Variants in PATJ observed in about 807,000 individuals in gnomAD.
PATJ encodes the protein PATJ crumbs cell polarity complex component.
In PATJ, 190 loss-of-function variants were observed where a neutral mutation model predicts 224.9. The ratio of observed to expected loss-of-function variants is 0.84; its 90% confidence interval spans 0.75 to 0.95. The LOEUF (loss-of-function observed/expected upper bound fraction) is 0.95, where lower values mean the gene tolerates loss of function less well. Ranked by LOEUF, PATJ falls within the 40% of genes least tolerant of loss-of-function variation. The pLI is 0.00. For missense variants in PATJ, 2,121 were observed against 2,270.3 expected (o/e 0.93, Z 1.34); for synonymous variants, 769 against 820.3 (o/e 0.94, Z 1.07).
chr1:61,945,763 A>T (rs1473876237), intron 27 of PATJ, among the ~76,000 whole-genome samples: 2 of 152,232 alleles, frequency 1.3e-5, no homozygotes, highest in Non-Finnish European at 2.9e-5. Flanking sequence ...CAGAATATAC[A>T]TTCTTCTCAG....
chr1:61,830,864 A>G (rs1412889606), intron 16 of PATJ, among the ~76,000 whole-genome samples: 5 of 152,118 alleles, frequency 3.3e-5, no homozygotes. Flanking sequence ...TCCTTTCACC[A>G]TATACAAAAA....
At chr1:61,914,746 G>T (rs1452602205) in intron 26 of PATJ, 82 bp downstream of exon 26, 4 of 795,808 alleles carry the variant, frequency 5.0e-6, no homozygotes, top group Admixed American at 5.1e-5. Context: ...TATAATAGAA[G>T]TGGCTTTTTG....
At chr1:62,127,070 C>T (rs1209763910) in intron 39 of PATJ, among the ~76,000 whole-genome samples, 2 of 140,396 alleles carry the variant, frequency 1.4e-5, no homozygotes, top group African/African-American at 3.2e-5. Context: ...TGGGAATATG[C>T]GGGCCAGTTT....
At chr1:61,835,439 T>G (rs1178624107) in intron 17 of PATJ, among the ~76,000 whole-genome samples, 1 of 152,196 alleles carries the variant, frequency 6.6e-6, no homozygotes, top group Non-Finnish European at 1.5e-5. Context: ...AGTCTCACTC[T>G]GTCGCCCAGG....
At chr1:61,975,384 T>C (rs1385432168) in intron 27 of PATJ, among the ~76,000 whole-genome samples, 1 of 152,054 alleles carries the variant, frequency 6.6e-6, no homozygotes, top group Non-Finnish European at 1.5e-5. Context: ...AATTCAATCT[T>C]TACTTCCTTT....
At chr1:62,031,245 A>C (rs1160658804) in intron 29 of PATJ, among the ~76,000 whole-genome samples, 1 of 152,218 alleles carries the variant, frequency 6.6e-6, no homozygotes, top group African/African-American at 2.4e-5. Flanking sequence ...AAACGTAGCT[A>C]ATCAAGCACT....
At chr1:62,015,145 CA>C (rs956926283) in intron 28 of PATJ, among the ~76,000 whole-genome samples, 6 of 149,844 alleles carry the variant, frequency 4.0e-5, no homozygotes, top group African/African-American at 1.5e-4. Flanking sequence ...ACTAAAAATA[CA>C]AAAAAAAATT....
chr1:61,896,390 A>T (rs1412651941), intron 22 of PATJ, among the ~76,000 whole-genome samples: 5 of 151,982 alleles, frequency 3.3e-5, no homozygotes, highest in African/African-American at 1.2e-4. Context: ...CCATTTGGAG[A>T]ACATTAGGAA....
chr1:61,755,646 A>G (rs888485372), intron 1 of PATJ, among the ~76,000 whole-genome samples: 1 of 152,164 alleles, frequency 6.6e-6, no homozygotes, highest in African/African-American at 2.4e-5. Flanking sequence ...GTTTACAAGG[A>G]CCCTTTCAAA....
chr1:61,810,707 T>TAA (rs1654555547), intron 14 of PATJ, among the ~76,000 whole-genome samples: 1 of 85,196 alleles, frequency 1.2e-5, no homozygotes, highest in African/African-American at 5.8e-5. Flanking sequence ...AAAAAATAAA[T>TAA]AAATAAATAA....
rs564125141 is a variant in PATJ, at chr1:61,783,984, C to T, written c.850-3770C>T. ...GTTTGGTGATAGAGTGAGACTCCCT[C>T]TCAAACAAAAACAAAAACAAAAACT... On this transcript the variant is annotated intron_variant, in intron 7 of 43. Transcript: ENST00000642238. Among the ~76,000 whole-genome samples the T allele has an allele frequency of 2.6e-5, 4 of 152,030 alleles. No homozygotes were observed. The East Asian group carries it at 7.8e-4, about 30-fold the overall frequency.
At chr1:62,039,147 A>G in intron 30 of PATJ, 1 of 618,376 alleles carries the variant, frequency 1.6e-6, no homozygotes, top group South Asian at 1.6e-5. Context: ...CTGTCATAGG[A>G]ACTCCATCCT....
At chr1:61,974,401 CTCTCT>C (rs1258012425) in intron 27 of PATJ, among the ~76,000 whole-genome samples, 3 of 136,450 alleles carry the variant, frequency 2.2e-5, no homozygotes, top group East Asian at 2.1e-4. Flanking sequence ...CTCTCTCTCT[CTCTCT>C]TTTTTTTTTT....
chr1:62,101,665 G>C (rs1211978689), intron 33 of PATJ, among the ~76,000 whole-genome samples: 1 of 152,142 alleles, frequency 6.6e-6, no homozygotes, highest in Non-Finnish European at 1.5e-5. Flanking sequence ...ATAAAGATTT[G>C]ATGTTTTAAG....
chr1:61,945,039 C>A (rs1678450054), intron 27 of PATJ, among the ~76,000 whole-genome samples: 2 of 152,142 alleles, frequency 1.3e-5, no homozygotes, highest in South Asian at 2.1e-4. Flanking sequence ...GAGATTTTGT[C>A]ACCACCAGGC....
chr1:62,147,737 T>G (rs1413245095), intron 41 of PATJ, among the ~76,000 whole-genome samples: 1 of 151,232 alleles, frequency 6.6e-6, no homozygotes, highest in Non-Finnish European at 1.5e-5. Flanking sequence ...AAGCAGAGGT[T>G]GTAGTGAGCC....
intron 27 of PATJ, among the ~76,000 whole-genome samples, chr1:61,973,064 AT>A (rs1379730871): frequency 6.6e-6 from 1 of 152,082 alleles, no homozygotes; most frequent in Non-Finnish European, 1.5e-5. Context: ...AAGTGTATTA[AT>A]TAGAAATTTT....
chr1:61,936,571 G>A (rs1037203183), intron 27 of PATJ, among the ~76,000 whole-genome samples: 6 of 151,800 alleles, frequency 4.0e-5, no homozygotes, highest in Admixed American at 1.3e-4. Context: ...TATATGAATT[G>A]TACTTCTATT....
chr1:61,966,497 C>T (rs1357739192), intron 27 of PATJ, among the ~76,000 whole-genome samples: 2 of 151,984 alleles, frequency 1.3e-5, no homozygotes, highest in Non-Finnish European at 1.5e-5. Context: ...ACCAGCCTGG[C>T]CAATGTGGTG....
Sources: allele counts gnomAD v4.1 joint callset (sites outside exome capture counted in the v4.1 genomes callset), GRCh38; gene constraint gnomAD v4.1.1; transcripts MANE v1.5; gene names NCBI Gene and HGNC (gene_info 2026-07-23, HGNC 2026-07-21).